BCAM: variants seen among roughly 807,000 people sequenced by gnomAD.
BCAM encodes basal cell adhesion molecule.
In BCAM, 61 loss-of-function variants were observed where a neutral mutation model predicts 72.4. That is an observed-to-expected ratio of 0.84 (90% CI 0.69 to 1.04). The LOEUF is 1.04. BCAM is among the 50% of genes least tolerant of loss of function. BCAM has a pLI of 0.00. For missense variants in BCAM, 909 were observed against 895.0 expected (o/e 1.02, Z -0.20); for synonymous variants, 408 against 384.2 (o/e 1.06, Z -0.73).
In BCAM at chr19:44,818,454, G is replaced by A. The variant is rs139711671; in HGVS notation, c.1079-68G>A. The A allele has an allele frequency of 1.3e-4, 168 of 1,313,500 alleles. No individual in the cohort carries two copies. Among genetic ancestry groups the A allele is most frequent in the Non-Finnish European group, 1.7e-4 (157 of 923,310 alleles). The allele number at this position is 1,313,500 out of a possible 1,614,324, so 81.4% of individuals were successfully genotyped here. On this transcript the variant is annotated intron_variant, in intron 8 of 14. Transcript: ENST00000270233. This position sits in a 1 kb window ranked among gnomAD's most constrained non-coding sequence, Gnocchi z 4.6. The stretch of plus-strand genomic sequence containing the variant: ...TCCATTCATGTTTGCACCCCCGACC[G>A]CCCCTGGAGAGCCCCTAATTGAGTG...
Position 44,814,102 on chromosome 19 carries a change from C to G in BCAM, c.785-50C>G, listed in dbSNP as rs28399617. 4.0e-4 allele frequency: 608 copies of G among 1,537,640 alleles called. 3 individuals are homozygous for G. The African/African-American group carries it at 7.8e-3, about 20-fold the overall frequency. On this transcript the variant is annotated intron_variant, in intron 6 of 14. Coordinates refer to ENST00000270233, the MANE Select transcript of BCAM (RefSeq NM_005581.5). This position sits in a 1 kb window ranked among gnomAD's most constrained non-coding sequence, Gnocchi z 4.6. The stretch of plus-strand genomic sequence containing the variant: ...GGCTGACCTCTCGCCTGTCCTCTAG[C>G]CTTGACCCTTCCCCTGATCACAATT...
Position 44,818,821 on chromosome 19 carries a change from G to A in BCAM, c.1275G>A (p.Glu425=). ...ATTCCAATGGCACCTACGTATGTGA[G>A]GCCTCCCTGCCCACAGTCCCGGTCC... ...TFDSNGTYVC[E]ASLPTVPVLS... The change falls in exon 10 of 15, where the codon GAG becomes GAA. Residue 425 remains glutamate (E), a synonymous_variant. Coordinates refer to ENST00000270233, the MANE Select transcript of BCAM (RefSeq NM_005581.5). This position sits in a 1 kb window ranked among gnomAD's most constrained non-coding sequence, Gnocchi z 4.6. 6.2e-7 allele frequency: 1 copy of A among 1,614,088 alleles called. No homozygotes were observed. Among genetic ancestry groups the A allele is most frequent in the African/African-American group, 1.3e-5 (1 of 75,030 alleles).
Position 44,811,364 on chromosome 19 carries a change from G to A in BCAM, c.204+18G>A, listed in dbSNP as rs773561127. On this transcript the variant is annotated intron_variant, in intron 2 of 14. Coordinates refer to ENST00000270233, the MANE Select transcript of BCAM (RefSeq NM_005581.5). Reference sequence around the variant, plus strand: ...GGTTCCTTGTGAGTGCTTGGGGCTGGGGGGCCTGGAGTCAGGGCACAGCAG... The same window carrying A: ...GGTTCCTTGTGAGTGCTTGGGGCTGAGGGGCCTGGAGTCAGGGCACAGCAG... 1.1e-5 allele frequency: 17 copies of A among 1,612,032 alleles called. No homozygotes were observed. In the East Asian group the frequency reaches 3.8e-4, roughly 36 times the overall value.
At position 44,812,057 on chromosome 19, in the gene BCAM, G is replaced by A; in HGVS notation, c.205-106G>A. 1 of 1,109,948 alleles carries A rather than the reference G, an allele frequency of 9.0e-7. No individual in the cohort carries two copies. The highest frequency in any genetic ancestry group is 1.3e-6 in the Non-Finnish European group (1 of 778,648). The allele number at this position is 1,109,948 out of a possible 1,614,324, so 68.8% of individuals were successfully genotyped here. ...GAGGGACCAGGGAGACCCATAACAA[G>A]AGGAAAAGAGGCAGAGCCAGGAGCT... On this transcript the variant is annotated intron_variant, in intron 2 of 14. Coordinates refer to ENST00000270233, the MANE Select transcript of BCAM (RefSeq NM_005581.5). This position sits in a 1 kb window ranked among gnomAD's most constrained non-coding sequence, Gnocchi z 5.3.
At chr19:44,817,250 G>T (rs115683282) in intron 8 of BCAM, among the ~76,000 whole-genome samples, 2,068 of 152,154 alleles carry the variant, frequency 0.014, 24 homozygotes, top group Middle Eastern at 0.041. Context: ...AAAATAATAA[G>T]AAGAAGAAAT....
Position 44,814,763 on chromosome 19 carries a change from G to A in BCAM, c.1078+3G>A, listed in dbSNP as rs1968481250. The A allele has an allele frequency of 1.2e-6, 2 of 1,608,446 alleles. No homozygotes were observed. The highest frequency in any genetic ancestry group is 2.2e-5 in the South Asian group (2 of 90,850). On this transcript the variant is annotated splice_donor_region_variant and intron_variant, in intron 8 of 14. Coordinates refer to ENST00000270233, the MANE Select transcript of BCAM (RefSeq NM_005581.5). The surrounding 1 kb of genome is among the most constrained non-coding windows in gnomAD (Gnocchi z 4.6). ...GACGCTGGAGCTGCGCGTGGCCTGTGAGAGCCCTGGGTGAACGGGCGGGCA... is the reference window on the plus strand; with the variant it reads ...GACGCTGGAGCTGCGCGTGGCCTGTAAGAGCCCTGGGTGAACGGGCGGGCA...
rs530058389 is a variant in BCAM, at chr19:44,820,612, G to A, written c.1764-93G>A. 100 of 1,070,752 alleles carry A rather than the reference G, an allele frequency of 9.3e-5. 2 individuals are homozygous for A. Among genetic ancestry groups the A allele is most frequent in the East Asian group, 5.1e-4 (9 of 17,754 alleles). 66.3% of individuals were successfully genotyped at this position (1,070,752 alleles called of 1,614,324 possible). On this transcript the variant is annotated intron_variant, in intron 13 of 14. Coordinates refer to ENST00000270233, the MANE Select transcript of BCAM (RefSeq NM_005581.5). ...CCCATCCTCACCTCCATCCCCAGCC[G>A]CATCCTAGTCCCACCCACCCCCATC...
rs1264066126 is a variant in BCAM, at chr19:44,813,263, A to G, written c.518A>G (p.Asn173Ser). The G allele has an allele frequency of 3.1e-6, 5 of 1,614,088 alleles. No individual in the cohort carries two copies. Among genetic ancestry groups the G allele is most frequent in the African/African-American group, 1.3e-5 (1 of 75,058 alleles). Residue 173 changes from asparagine (N) to serine (S), a missense_variant, in exon 5 of 15, where the codon AAC (asparagine) becomes AGC (serine). Physicochemically the swap from Asn to Ser is conservative, Grantham distance 46. Transcript: ENST00000270233. The surrounding 1 kb of genome is among the most constrained non-coding windows in gnomAD (Gnocchi z 4.2). ...TGTCTGCCTCAGATCGCCACCTGCA[A>G]CAGCCGGAACGGGAACCCGGCCCCC... ...EDSAQEIATC[N>S]SRNGNPAPKI...
chr19:44,819,181 T>C lies in BCAM; in HGVS notation c.1462T>C (p.Leu488=), dbSNP rs149703843. 32 of 1,613,892 alleles carry C rather than the reference T, an allele frequency of 2.0e-5. No individual in the cohort carries two copies. The African/African-American group carries it at 2.4e-4, about 12-fold the overall frequency. Reference sequence around the variant, plus strand: ...AGACCCCAAACTCAGCTGGAGCCAATTGGGGGGCAGCGTAAGGGACCTTCC... The same window carrying C: ...AGACCCCAAACTCAGCTGGAGCCAACTGGGGGGCAGCGTAAGGGACCTTCC... The part of the protein sequence containing the change: ...HPDPKLSWSQ[L]GGSPAEPIPG... Residue 488 remains leucine (L), a synonymous_variant, in exon 11 of 15, where the codon TTG becomes CTG. Coordinates refer to ENST00000270233, the MANE Select transcript of BCAM (RefSeq NM_005581.5).
At position 44,813,480 on chromosome 19, in the gene BCAM, T is replaced by C; in HGVS notation, c.644T>C (p.Leu215Pro). ...CGCACGGTCCGGGAGGCCTCGGGCC[T>C]GCTCTCCCTCACCAGCACCCTCTAC... ...TSRTVREASG[L>P]LSLTSTLYLR... The change falls in exon 6 of 15, where the codon CTG (leucine) becomes CCG (proline). Residue 215 changes from leucine (L) to proline (P), a missense_variant. Leu to Pro is a moderately conservative substitution (Grantham distance 98, BLOSUM62 -3). Coordinates refer to ENST00000270233, the MANE Select transcript of BCAM (RefSeq NM_005581.5). This position sits in a 1 kb window ranked among gnomAD's most constrained non-coding sequence, Gnocchi z 4.2. 6.2e-7 allele frequency: 1 copy of C among 1,612,404 alleles called. No homozygotes were observed. Among genetic ancestry groups the C allele is most frequent in the Non-Finnish European group, 8.5e-7 (1 of 1,179,868 alleles).
At chr19:44,819,957 A>G in intron 13 of BCAM, 1 of 1,340,826 alleles carries the variant, frequency 7.5e-7, no homozygotes, top group South Asian at 2.0e-5. Context: ...CCCAAACCCA[A>G]CCCAGGGCCA....
chr19:44,809,601 C>G (rs1045366920), intron 1 of BCAM, among the ~76,000 whole-genome samples: 8 of 152,128 alleles, frequency 5.3e-5, no homozygotes, highest in African/African-American at 7.2e-5. Context: ...CCCCAGGGCT[C>G]TCTCCCTCAA....
intron 8 of BCAM, among the ~76,000 whole-genome samples, chr19:44,816,003 C>T (rs897267118): frequency 6.6e-6 from 1 of 152,050 alleles, no homozygotes; most frequent in South Asian, 2.1e-4. Context: ...CAGAGAAAGA[C>T]CCCGTCTCAG....
At chr19:44,810,597 G>A (rs751660809) in intron 1 of BCAM, among the ~76,000 whole-genome samples, 3 of 152,228 alleles carry the variant, frequency 2.0e-5, no homozygotes, top group South Asian at 2.1e-4. Context: ...GACCCAAGAG[G>A]AGAGACACAC....
intron 8 of BCAM, among the ~76,000 whole-genome samples, chr19:44,817,690 A>C (rs1227309257): frequency 6.6e-6 from 1 of 152,076 alleles, no homozygotes; most frequent in Non-Finnish European, 1.5e-5. Flanking sequence ...GACTATAGGC[A>C]TGCACCACTA....
At position 44,814,668 on chromosome 19, in the gene BCAM, G is replaced by A. The variant is rs368656529; in HGVS notation, c.986G>A (p.Arg329Gln). The A allele has an allele frequency of 9.9e-6, 16 of 1,613,952 alleles. No homozygotes were observed. Among genetic ancestry groups the A allele is most frequent in the East Asian group, 6.7e-5 (3 of 44,886 alleles). The change falls in exon 8 of 15, where the codon CGG (arginine) becomes CAG (glutamine). Residue 329 changes from arginine to glutamine, a missense_variant. Arg to Gln is a conservative substitution (Grantham distance 43). Transcript: ENST00000270233. The surrounding 1 kb of genome is among the most constrained non-coding windows in gnomAD (Gnocchi z 4.6). ...EGNLTLEGVT[R>Q]GQSGTYGCRV... ...AACTTGACCCTGGAGGGAGTGACCCGGGGCCAGAGCGGGACCTATGGCTGC... is the reference window on the plus strand; with the variant it reads ...AACTTGACCCTGGAGGGAGTGACCCAGGGCCAGAGCGGGACCTATGGCTGC...
rs779985192 is a variant in BCAM at position 44,819,780 on chromosome 19, T to C, written c.1763+54T>C. 2.0e-6 allele frequency: 3 copies of C among 1,509,676 alleles called. No homozygotes were observed. The South Asian group carries it at 3.8e-5, about 19-fold the overall frequency. The allele number at this position is 1,509,676 out of a possible 1,614,324, so 93.5% of individuals were successfully genotyped here. A position where few individuals can be genotyped will look rare whatever the true frequency, so the allele number is the denominator to read the frequency against. On this transcript the variant is annotated intron_variant, in intron 13 of 14. Coordinates refer to ENST00000270233, the MANE Select transcript of BCAM (RefSeq NM_005581.5). Reference sequence around the variant, plus strand: ...CCATAGCTTAACCCCATCCCCACCCTCAACCCCAAGCTCAACCCATAACCT... The same window carrying C: ...CCATAGCTTAACCCCATCCCCACCCCCAACCCCAAGCTCAACCCATAACCT...
Position 44,814,158 on chromosome 19 carries a change from C to T in BCAM, c.791C>T (p.Thr264Met), listed in dbSNP as rs199922856. Residue 264 changes from threonine to methionine, a missense_variant, in exon 7 of 15, where the codon ACG (threonine) becomes ATG (methionine). Thr to Met is a moderately conservative substitution (Grantham distance 81). Transcript: ENST00000270233. This position sits in a 1 kb window ranked among gnomAD's most constrained non-coding sequence, Gnocchi z 4.6. ...CTCCCTGCCCTTCCCTTAGATCCCA[C>T]GGAGCACGTGCAGTTCTGGGTGGGC... The part of the protein sequence containing the change: ...PTFHLTLHYP[T>M]EHVQFWVGSP... 8.1e-5 allele frequency: 129 copies of T among 1,583,364 alleles called. No homozygotes were observed. The highest frequency in any genetic ancestry group is 8.1e-4 in the Admixed American group (45 of 55,740).
chr19:44,812,298 G>A lies in BCAM; in HGVS notation c.340G>A (p.Glu114Lys). Residue 114 changes from glutamate (E) to lysine (K), a missense_variant, in exon 3 of 15, where the codon GAG becomes AAG. Transcript: ENST00000270233. This position sits in a 1 kb window ranked among gnomAD's most constrained non-coding sequence, Gnocchi z 5.3. Reference protein sequence around the residue: ...LDSQGRLVLAEAQVGDERDYV... With the variant: ...LDSQGRLVLAKAQVGDERDYV... ...CTCCCAGGGGCGCCTGGTGCTGGCTGAGGCCCAGGTGGGCGACGAGCGAGA... is the reference window on the plus strand; with the variant it reads ...CTCCCAGGGGCGCCTGGTGCTGGCTAAGGCCCAGGTGGGCGACGAGCGAGA... 1 of 1,612,090 alleles carries A rather than the reference G, an allele frequency of 6.2e-7. No individual in the cohort carries two copies.
Sources: allele counts gnomAD v4.1 joint callset (sites outside exome capture counted in the v4.1 genomes callset), GRCh38; gene constraint gnomAD v4.1.1; non-coding constraint Gnocchi (gnomAD v3.1); transcripts MANE v1.5; gene names NCBI Gene and HGNC (gene_info 2026-07-23, HGNC 2026-07-21).